UNC93A: variants seen among roughly 807,000 people sequenced by gnomAD.
UNC93A encodes N-acetylglucosamine transporter UNC93A.
Under a neutral mutation model 47.5 loss-of-function variants are expected in UNC93A, and 43 were observed. The observed-to-expected ratio is 0.91, with a 90% CI of 0.71 to 1.17. UNC93A has a LOEUF of 1.17. Among genes scored for constraint, UNC93A ranks in the 50% most tolerant of loss-of-function variants. UNC93A has a pLI of 0.00. For synonymous variants in UNC93A, 280 were observed against 258.0 expected (o/e 1.09, Z -0.82); for missense variants, 605 against 577.6 (o/e 1.05, Z -0.49).
Position 167,298,047 on chromosome 6 carries a change from A to G in UNC93A, c.602A>G (p.Tyr201Cys). 6.2e-7 allele frequency: 1 copy of G among 1,613,512 alleles called. No individual in the cohort carries two copies. ...CAGAGGCCCTCCCAGCAGCTGGTCT[A>G]CACCCTCCTGGGCATCTACACTGGT... is the stretch of plus-strand genomic sequence containing the variant. ...STQRPSQQLV[Y>C]TLLGIYTGSG... Residue 201 changes from tyrosine to cysteine, a missense_variant, in exon 4 of 8, where the codon TAC (tyrosine) becomes TGC (cysteine). By Grantham distance (194) the Tyr-to-Cys change is radical. Transcript: ENST00000230256.
At position 167,307,844 on chromosome 6, in the gene UNC93A, G is replaced by T; in HGVS notation, c.1042G>T (p.Ala348Ser). 1 of 1,614,076 alleles carries T rather than the reference G, an allele frequency of 6.2e-7. No individual in the cohort carries two copies. Among genetic ancestry groups the T allele is most frequent in the East Asian group, 2.2e-5 (1 of 44,876 alleles). Residue 348 changes from alanine to serine, a missense_variant, in exon 7 of 8, where the codon GCA (alanine) becomes TCA (serine). Ala to Ser is a moderately conservative substitution (Grantham distance 99). Coordinates refer to ENST00000230256, the MANE Select transcript of UNC93A (RefSeq NM_018974.4). ...GTGGAGACCTCGTGCTGACCATCTG[G>T]CAGTGTTCTTCGTATTCTCTGGCCT... ...LLWRPRADHL[A>S]VFFVFSGLWG...
Position 167,307,769 on chromosome 6 carries a change from G to A in UNC93A, c.977-10G>A, listed in dbSNP as rs1308511481. On this transcript the variant is annotated splice_polypyrimidine_tract_variant and intron_variant, in intron 6 of 7. Coordinates refer to ENST00000230256, the MANE Select transcript of UNC93A (RefSeq NM_018974.4). The stretch of plus-strand genomic sequence containing the variant: ...CTCATCGCCTGGCGGTTTCCCCTCT[G>A]CACCCCCAGGCGCGGTGACCCACGT... The A allele has an allele frequency of 6.3e-7, 1 of 1,590,552 alleles. No individual in the cohort carries two copies. The highest frequency in any genetic ancestry group is 1.7e-5 in the Admixed American group (1 of 58,182).
chr6:167,294,877 C>T (rs1778010111), intron 2 of UNC93A, among the ~76,000 whole-genome samples, 179 bp downstream of exon 2: 1 of 152,074 alleles, frequency 6.6e-6, no homozygotes, highest in South Asian at 2.1e-4. Context: ...GGGCTTCCTT[C>T]CTGTTTTCCC....
rs1777989257 is a variant in UNC93A, at chr6:167,294,459, G to A, written c.88-58G>A. 8 of 1,587,952 alleles carry A rather than the reference G, an allele frequency of 5.0e-6. No homozygotes were observed. In the South Asian group the frequency reaches 7.8e-5, roughly 15 times the overall value. ...CCTGGGGGACACTGAGGACCTGCTG[G>A]TGCCTCATCCCGCTGTGTCCATCCT... On this transcript the variant is annotated intron_variant, in intron 1 of 7. Transcript: ENST00000230256.
At chr6:167,303,192 C>T (rs1778289638) in intron 4 of UNC93A, among the ~76,000 whole-genome samples, 1 of 152,206 alleles carries the variant, frequency 6.6e-6, no homozygotes, top group African/African-American at 2.4e-5. Context: ...CGTTCTGCAC[C>T]CATAGAAAGT....
chr6:167,313,769 T>C (rs1455851306), intron 7 of UNC93A, among the ~76,000 whole-genome samples: 1 of 152,176 alleles, frequency 6.6e-6, no homozygotes, highest in East Asian at 1.9e-4. Context: ...CCATGGTGTC[T>C]CAACTTGGAT....
At chr6:167,311,760 G>A (rs1778559674) in intron 7 of UNC93A, among the ~76,000 whole-genome samples, 1 of 152,282 alleles carries the variant, frequency 6.6e-6, no homozygotes, top group African/African-American at 2.4e-5. Flanking sequence ...TTTTGAAATA[G>A]TTTTAGATTT....
At chr6:167,286,902 C>G (rs113167778), upstream of UNC93A, among the ~76,000 whole-genome samples, 7 of 147,176 alleles carry the variant, frequency 4.8e-5, no homozygotes, top group African/African-American at 1.7e-4. Flanking sequence ...TGCTTGAACC[C>G]GGGAGGCGGA....
intron 3 of UNC93A, 145 bp downstream of exon 3, chr6:167,296,406 C>T (rs1778090407): frequency 2.4e-6 from 2 of 841,010 alleles, no homozygotes; most frequent in Non-Finnish European, 3.7e-6. Context: ...AGATTCTCAA[C>T]CTGCCTGTGC....
At chr6:167,306,110 A>G in intron 6 of UNC93A, 60 bp downstream of exon 6, 1 of 1,605,276 alleles carries the variant, frequency 6.2e-7, no homozygotes, top group Non-Finnish European at 8.5e-7. Flanking sequence ...GCAAAAGCGC[A>G]CAGCTCACAG....
At chr6:167,291,984 T>A (rs1195659194) in intron 1 of UNC93A, among the ~76,000 whole-genome samples, 3 of 152,160 alleles carry the variant, frequency 2.0e-5, no homozygotes, top group African/African-American at 7.2e-5. Context: ...CCTTATACAT[T>A]CCAAGCCTAC....
In UNC93A at chr6:167,315,354, G is replaced by A. The variant is rs777996509; in HGVS notation, c.1276G>A (p.Gly426Arg). The A allele has an allele frequency of 1.9e-6, 3 of 1,613,960 alleles. No individual in the cohort carries two copies. In the South Asian group the frequency reaches 3.3e-5, roughly 18 times the overall value. The change falls in exon 8 of 8, where the codon GGG becomes AGG. Residue 426 changes from glycine (G) to arginine (R), a missense_variant. By Grantham distance (125) the Gly-to-Arg change is moderately radical. Coordinates refer to ENST00000230256, the MANE Select transcript of UNC93A (RefSeq NM_018974.4). The stretch of plus-strand genomic sequence containing the variant: ...CCTGAGCCTGACCATGGTGGCGTAT[G>A]GGCTTGTGGAGTGCGTGGAGTCCAA... ...GVLSLTMVAYGLVECVESKNP... is the reference protein window; with the variant it reads ...GVLSLTMVAYRLVECVESKNP...
intron 1 of UNC93A, among the ~76,000 whole-genome samples, chr6:167,294,072 T>G (rs1206966504): frequency 1.3e-5 from 2 of 152,208 alleles, no homozygotes; most frequent in East Asian, 1.9e-4. Flanking sequence ...ATCATTCATG[T>G]GCACTCAGCT....
At chr6:167,279,262 TAGAG>T (rs1341377032) in intron 1 of UNC93A, among the ~76,000 whole-genome samples, 3 of 152,152 alleles carry the variant, frequency 2.0e-5, no homozygotes, top group South Asian at 2.1e-4. Flanking sequence ...GAGAGATAGA[TAGAG>T]AGAAAGAGAG....
intron 1 of UNC93A, among the ~76,000 whole-genome samples, chr6:167,281,870 C>T (rs1291007228): frequency 2.6e-5 from 4 of 152,182 alleles, no homozygotes; most frequent in Non-Finnish European, 5.9e-5. Flanking sequence ...CTTGACTTTC[C>T]TTTCAGAGGA....
rs545019093 is a variant in UNC93A, at chr6:167,315,559, T to C, written c.*107T>C. The C allele has an allele frequency of 6.5e-7, 1 of 1,545,728 alleles. No individual in the cohort carries two copies. The highest frequency in any genetic ancestry group is 1.2e-5 in the South Asian group (1 of 84,402). On this transcript the variant is annotated 3_prime_UTR_variant, in exon 8 of 8. Coordinates refer to ENST00000230256, the MANE Select transcript of UNC93A (RefSeq NM_018974.4). ...GCTCCTCATCACCATCTCAGCACAA[T>C]TTGGCCATTCTGAAGAGATCATGTT...
At chr6:167,307,559 A>AGACG (rs1778434799) in intron 6 of UNC93A, among the ~76,000 whole-genome samples, 1 of 150,466 alleles carries the variant, frequency 6.6e-6, no homozygotes, top group Admixed American at 6.6e-5. Flanking sequence ...GAGATGGTTG[A>AGACG]GACGGTTCCA....
At chr6:167,270,051 TGGGGGTGG>T (rs1407270260), upstream of UNC93A, among the ~76,000 whole-genome samples, 71 of 5,420 alleles carry the variant, frequency 0.013, no homozygotes, top group African/African-American at 0.064. Context: ...CTGCACGGGG[TGGGGGTGG>T]GGGTGGGGGG....
At chr6:167,285,993 C>CAA in intron 1 of UNC93A, among the ~76,000 whole-genome samples, 1 of 149,032 alleles carries the variant, frequency 6.7e-6, no homozygotes, top group Non-Finnish European at 1.5e-5. Flanking sequence ...CACACACACA[C>CAA]AATGAGCCTA....
Sources: allele counts gnomAD v4.1 joint callset (sites outside exome capture counted in the v4.1 genomes callset), GRCh38; gene constraint gnomAD v4.1.1; transcripts MANE v1.5; gene names NCBI Gene and HGNC (gene_info 2026-07-23, HGNC 2026-07-21).